VAPB: variants seen among roughly 807,000 people sequenced by gnomAD.
VAPB encodes VAMP associated protein B and C.
VAPB carries 7 observed loss-of-function variants against 25.6 expected under a neutral mutation model. That is an observed-to-expected ratio of 0.27 (90% CI 0.16 to 0.51). The LOEUF (loss-of-function observed/expected upper bound fraction) is 0.51. Among genes scored for constraint, VAPB ranks in the 20% least tolerant of loss-of-function variants. VAPB has a pLI of 0.97. For synonymous variants in VAPB, 112 were observed against 109.2 expected (o/e 1.03, Z -0.16); for missense variants, 266 against 301.3 (o/e 0.88, Z 0.87).
Position 58,446,845 on chromosome 20 carries a change from C to T in VAPB, c.*2610C>T, listed in dbSNP as rs754329985. 4.8e-5 allele frequency: 22 copies of T among 453,906 alleles called. No individual in the cohort carries two copies. Among genetic ancestry groups the T allele is most frequent in the Non-Finnish European group, 8.8e-5 (20 of 226,762 alleles). 28.1% of individuals were successfully genotyped at this position (453,906 alleles called of 1,614,324 possible). A position where few individuals can be genotyped will look rare whatever the true frequency, so the allele number is the denominator to read the frequency against. On this transcript the variant is annotated 3_prime_UTR_variant, in exon 6 of 6. Coordinates refer to ENST00000475243, the MANE Select transcript of VAPB (RefSeq NM_004738.5). ...AGGAAAAGAAAGAATGTGGAGCACGCGTGGCTCCTGGAGGACTTGGAGATG... is the reference window on the plus strand; with the variant it reads ...AGGAAAAGAAAGAATGTGGAGCACGTGTGGCTCCTGGAGGACTTGGAGATG...
rs547375662 is a variant in VAPB at position 58,444,707 on chromosome 20, T to C, written c.*472T>C. 2.2e-6 allele frequency: 1 copy of C among 454,366 alleles called. No individual in the cohort carries two copies. Among genetic ancestry groups the C allele is most frequent in the Non-Finnish European group, 4.4e-6 (1 of 226,874 alleles). The allele number at this position is 454,366 out of a possible 1,614,324, so 28.1% of individuals were successfully genotyped here. A position where few individuals can be genotyped will look rare whatever the true frequency, so the allele number is the denominator to read the frequency against. Reference sequence around the variant, plus strand: ...CCCGGCCCAGGCTGCTTTCCGTGTCTTCAGTTCTGTCCAAGCCATCAGCTC... The same window carrying C: ...CCCGGCCCAGGCTGCTTTCCGTGTCCTCAGTTCTGTCCAAGCCATCAGCTC... On this transcript the variant is annotated 3_prime_UTR_variant, in exon 6 of 6. Coordinates refer to ENST00000475243, the MANE Select transcript of VAPB (RefSeq NM_004738.5).
intron 1 of VAPB, among the ~76,000 whole-genome samples, chr20:58,414,786 G>C (rs962241767): frequency 6.6e-6 from 1 of 152,040 alleles, no homozygotes; most frequent in Non-Finnish European, 1.5e-5. Context: ...GACGATGGGT[G>C]GCCAGGCAGA....
chr20:58,424,415 A>C (rs1302220215), intron 2 of VAPB, among the ~76,000 whole-genome samples: 2 of 151,788 alleles, frequency 1.3e-5, no homozygotes, highest in Non-Finnish European at 2.9e-5. Context: ...AAGTGCAGGG[A>C]GCATTCAGAA....
intron 1 of VAPB, among the ~76,000 whole-genome samples, chr20:58,396,613 A>T (rs934568272): frequency 6.6e-6 from 1 of 152,158 alleles, no homozygotes; most frequent in African/African-American, 2.4e-5. Context: ...GAACCTAAGG[A>T]TCTGGGAGTG....
intron 1 of VAPB, among the ~76,000 whole-genome samples, chr20:58,399,958 TC>T (rs760620944): frequency 2.0e-5 from 3 of 152,136 alleles, no homozygotes; most frequent in Non-Finnish European, 4.4e-5. Flanking sequence ...GTCTTTTAGT[TC>T]CATCACTCAG....
rs1568726201 is a variant in VAPB at position 58,449,310 on chromosome 20, TTTTA to T, written c.*5079_*5082del. ...TCTACGGCACTTAACAATAGGGGCT[TTTTA>T]TTTTCATTACAGAGATATTTTGAAA... On this transcript the variant is annotated 3_prime_UTR_variant, in exon 6 of 6. Transcript: ENST00000475243. 1 of 449,282 alleles carries T rather than the reference TTTTA, an allele frequency of 2.2e-6. No homozygotes were observed. Among genetic ancestry groups the T allele is most frequent in the Admixed American group, 2.4e-5 (1 of 41,390 alleles). The allele number at this position is 449,282 out of a possible 1,614,324, so 27.8% of individuals were successfully genotyped here. A position where few individuals can be genotyped will look rare whatever the true frequency, so the allele number is the denominator to read the frequency against.
At chr20:58,443,577 C>T (rs1207650065) in intron 5 of VAPB, among the ~76,000 whole-genome samples, 4 of 151,734 alleles carry the variant, frequency 2.6e-5, no homozygotes, top group Non-Finnish European at 5.9e-5. Flanking sequence ...CATGAGCCAC[C>T]GTGCCCAGTT....
intron 2 of VAPB, 87 bp downstream of exon 2, chr20:58,418,450 CAGA>C (rs1226456042): frequency 7.2e-6 from 11 of 1,530,926 alleles, no homozygotes; most frequent in East Asian, 6.9e-5. Flanking sequence ...TGCAGTGTAG[CAGA>C]AGAAGATGAT....
intron 1 of VAPB, among the ~76,000 whole-genome samples, chr20:58,409,444 A>G (rs1039484212): frequency 1.3e-5 from 2 of 152,182 alleles, no homozygotes; most frequent in African/African-American, 4.8e-5. Context: ...AGTCTACTGT[A>G]TTGAAACCTC....
intron 1 of VAPB, among the ~76,000 whole-genome samples, chr20:58,414,147 C>G (rs1988460898): frequency 1.5e-5 from 2 of 131,208 alleles, no homozygotes; most frequent in Admixed American, 1.4e-4. Context: ...GACCTCCCTC[C>G]CGGACGGGGC....
At chr20:58,443,790 C>CT (rs1188575089) in intron 5 of VAPB, among the ~76,000 whole-genome samples, 1 of 151,990 alleles carries the variant, frequency 6.6e-6, no homozygotes, top group Non-Finnish European at 1.5e-5. Context: ...CTTTTAAGTG[C>CT]TTTTTTCTGT....
chr20:58,430,453 G>A (rs1988902555), intron 2 of VAPB, among the ~76,000 whole-genome samples: 1 of 152,050 alleles, frequency 6.6e-6, no homozygotes, highest in African/African-American at 2.4e-5. Flanking sequence ...GTAGAGACAG[G>A]TTTTGCCTCT....
chr20:58,408,120 G>T (rs576496919), intron 1 of VAPB, among the ~76,000 whole-genome samples: 2 of 152,242 alleles, frequency 1.3e-5, no homozygotes, highest in Admixed American at 6.5e-5. Flanking sequence ...TAAGCACCCT[G>T]CAAGTCTGGT....
At chr20:58,402,473 C>A (rs781544443) in intron 1 of VAPB, among the ~76,000 whole-genome samples, 9 of 152,062 alleles carry the variant, frequency 5.9e-5, no homozygotes, top group South Asian at 2.1e-4. Context: ...TGTATCTGTT[C>A]CTCTGGCTCC....
intron 2 of VAPB, among the ~76,000 whole-genome samples, chr20:58,429,489 A>G (rs1438361016): frequency 1.3e-5 from 2 of 152,162 alleles, no homozygotes; most frequent in Non-Finnish European, 2.9e-5. Flanking sequence ...CTTGGTAGGT[A>G]GGATGTTCTA....
At position 58,395,494 on chromosome 20, in the gene VAPB, A is replaced by G. The variant is rs531145666; in HGVS notation, c.58+5977A>G. 2.6e-5 allele frequency among the ~76,000 whole-genome samples: 4 copies of G among 152,262 alleles called. No individual in the cohort carries two copies. The South Asian group carries it at 8.3e-4, about 32-fold the overall frequency. On this transcript the variant is annotated intron_variant, in intron 1 of 5. Transcript: ENST00000475243. Reference sequence around the variant, plus strand: ...CACTTTTTTGAAAAATTTGCTGTCTAAAGGATGATCATGATTTGGGACGAA... The same window carrying G: ...CACTTTTTTGAAAAATTTGCTGTCTGAAGGATGATCATGATTTGGGACGAA...
chr20:58,434,802 A>C (rs1989004663), intron 3 of VAPB, 97 bp downstream of exon 3: 1 of 705,152 alleles, frequency 1.4e-6, no homozygotes, highest in Non-Finnish European at 2.6e-6. Context: ...AATATGTCAA[A>C]ATTATTTAAA....
At position 58,447,290 on chromosome 20, in the gene VAPB, T is replaced by A. The variant is rs1487371745; in HGVS notation, c.*3055T>A. Reference sequence around the variant, plus strand: ...TCTTAAAGACAGCAGGCTTTTTTATTTGTAGGTGTGAGGAACTGGCTTTAA... The same window carrying A: ...TCTTAAAGACAGCAGGCTTTTTTATATGTAGGTGTGAGGAACTGGCTTTAA... On this transcript the variant is annotated 3_prime_UTR_variant, in exon 6 of 6. Transcript: ENST00000475243. 2 of 454,090 alleles carry A rather than the reference T, an allele frequency of 4.4e-6. No homozygotes were observed. Among genetic ancestry groups the A allele is most frequent in the Non-Finnish European group, 8.8e-6 (2 of 226,780 alleles). 28.1% of individuals were successfully genotyped at this position (454,090 alleles called of 1,614,324 possible).
intron 2 of VAPB, among the ~76,000 whole-genome samples, chr20:58,420,182 A>G (rs556579759): frequency 5.9e-5 from 9 of 152,130 alleles, no homozygotes; most frequent in Admixed American, 2.0e-4. Context: ...ACAGGGTTTC[A>G]CCATGTTGGC....
Sources: allele counts gnomAD v4.1 joint callset (sites outside exome capture counted in the v4.1 genomes callset), GRCh38; gene constraint gnomAD v4.1.1; transcripts MANE v1.5; gene names NCBI Gene and HGNC (gene_info 2026-07-23, HGNC 2026-07-21).